GALNT3: variants seen among roughly 807,000 people sequenced by gnomAD.
GALNT3 encodes the protein polypeptide N-acetylgalactosaminyltransferase 3, also known as GalNAc transferase 3.
A neutral mutation model predicts 69.8 loss-of-function variants in GALNT3; 51 were observed. The observed-to-expected ratio is 0.73, with a 90% CI of 0.58 to 0.92. GALNT3 has a LOEUF of 0.92. Among genes scored for constraint, GALNT3 ranks in the 40% least tolerant of loss-of-function variants. The pLI is 0.00. For missense variants in GALNT3, 711 were observed against 760.0 expected (o/e 0.94, Z 0.76); for synonymous variants, 265 against 248.5 (o/e 1.07, Z -0.63).
At chr2:165,777,419 C>A (rs1682983279) in intron 1 of GALNT3, among the ~76,000 whole-genome samples, 1 of 152,092 alleles carries the variant, frequency 6.6e-6, no homozygotes. Flanking sequence ...TAATTGAATT[C>A]AAAACAAAAC....
intron 7 of GALNT3, among the ~76,000 whole-genome samples, chr2:165,756,483 T>A (rs1456358962): frequency 1.3e-5 from 2 of 152,170 alleles, no homozygotes; most frequent in Non-Finnish European, 2.9e-5. Context: ...GCGTATTTCA[T>A]CTCTTAAAAC....
At chr2:165,788,457 A>T (rs1212331639) in intron 1 of GALNT3, among the ~76,000 whole-genome samples, 1 of 147,716 alleles carries the variant, frequency 6.8e-6, no homozygotes, top group Non-Finnish European at 1.5e-5. Flanking sequence ...TTTGCAAATA[A>T]TCCAAAAGGG....
chr2:165,792,088 T>C (rs1468841193), intron 1 of GALNT3, among the ~76,000 whole-genome samples: 1 of 152,208 alleles, frequency 6.6e-6, no homozygotes, highest in Non-Finnish European at 1.5e-5. Flanking sequence ...GAAGTTAGAA[T>C]ACCTCTCTTG....
intron 1 of GALNT3, among the ~76,000 whole-genome samples, chr2:165,775,809 C>T (rs1461187175): frequency 6.6e-6 from 1 of 152,164 alleles, no homozygotes; most frequent in Non-Finnish European, 1.5e-5. Flanking sequence ...TTGTCTAGAT[C>T]ACAATATTTT....
At chr2:165,766,236 A>T (rs115383948) in intron 2 of GALNT3, among the ~76,000 whole-genome samples, 1,702 of 152,334 alleles carry the variant, frequency 0.011, 30 homozygotes, top group African/African-American at 0.039. Context: ...TAAAGATCTA[A>T]ATAAAGACCT....
Position 165,754,995 on chromosome 2 carries a change from C to A in GALNT3, c.1461G>T (p.Trp487Cys). Residue 487 changes from tryptophan to cysteine, a missense_variant, in exon 8 of 11, where the codon TGG (tryptophan) becomes TGT (cysteine). Trp to Cys is a radical substitution (Grantham distance 215). Coordinates refer to ENST00000392701, the MANE Select transcript of GALNT3 (RefSeq NM_004482.4). ...CCTCTGGATAAATGTTGTTCAGATA[C>A]CATGTAAAATTTTTACACTGAAGGC... Reference protein sequence around the residue: ...KHRLQCKNFTWYLNNIYPEVY... With the variant: ...KHRLQCKNFTCYLNNIYPEVY... 1 of 1,611,908 alleles carries A rather than the reference C, an allele frequency of 6.2e-7. No homozygotes were observed.
intron 2 of GALNT3, among the ~76,000 whole-genome samples, chr2:165,765,502 T>G (rs894010934): frequency 1.3e-5 from 2 of 152,116 alleles, no homozygotes; most frequent in African/African-American, 4.8e-5. Flanking sequence ...TATTAATTTT[T>G]TTTTTTTTAT....
chr2:165,757,380 C>T (rs1246093626), intron 6 of GALNT3, 133 bp from the exon 7 acceptor site: 1 of 833,314 alleles, frequency 1.2e-6, no homozygotes, highest in Non-Finnish European at 1.9e-6. Context: ...TAGTCTCTGT[C>T]CCCTGCCATT....
At chr2:165,752,546 A>G (rs746686642) in intron 9 of GALNT3, among the ~76,000 whole-genome samples, 8 of 152,196 alleles carry the variant, frequency 5.3e-5, no homozygotes, top group Non-Finnish European at 1.2e-4. Flanking sequence ...AATTTCTAAA[A>G]GATAGCTATA....
At chr2:165,762,162 T>TA in intron 3 of GALNT3, 108 bp from the exon 4 acceptor site, 1 of 859,944 alleles carries the variant, frequency 1.2e-6, no homozygotes. Context: ...TTCATAATCT[T>TA]AACAGTTGCA....
intron 1 of GALNT3, among the ~76,000 whole-genome samples, chr2:165,772,473 T>A (rs1688768927): frequency 6.7e-6 from 1 of 150,294 alleles, no homozygotes; most frequent in Non-Finnish European, 1.5e-5. Flanking sequence ...TAGTCCCAGC[T>A]ACTCAGGTGG....
In GALNT3 at chr2:165,778,153, A is replaced by G. The variant is rs116293132; in HGVS notation, c.-108-7345T>C. The stretch of plus-strand genomic sequence containing the variant: ...TACATTATCTGTCAAGGGAGTCACA[A>G]ACTCAGGGGCTCACATGCTCTTTCC... On this transcript the variant is annotated intron_variant, in intron 1 of 10. Coordinates refer to ENST00000392701, the MANE Select transcript of GALNT3 (RefSeq NM_004482.4). Among the ~76,000 whole-genome samples, 912 of 152,330 alleles carry G rather than the reference A, an allele frequency of 6.0e-3. 7 individuals carry two copies. The highest frequency in any genetic ancestry group is 0.02 in the African/African-American group (840 of 41,558).
chr2:165,752,455 C>G (rs150691003), intron 9 of GALNT3, among the ~76,000 whole-genome samples: 5 of 152,224 alleles, frequency 3.3e-5, no homozygotes, highest in Non-Finnish European at 7.4e-5. Flanking sequence ...CTTTTTACTA[C>G]GGTAACAGTC....
At position 165,776,106 on chromosome 2, in the gene GALNT3, G is replaced by T. The variant is rs537388300; in HGVS notation, c.-108-5298C>A. Among the ~76,000 whole-genome samples, 4 of 152,180 alleles carry T rather than the reference G, an allele frequency of 2.6e-5. No homozygotes were observed. In the South Asian group the frequency reaches 8.3e-4, roughly 32 times the overall value. On this transcript the variant is annotated intron_variant, in intron 1 of 10. Transcript: ENST00000392701. ...AATATTTTATTCCAATCATAAAAATGGGAAAATTGATACCTGAACAATAAA... is the reference window on the plus strand; with the variant it reads ...AATATTTTATTCCAATCATAAAAATTGGAAAATTGATACCTGAACAATAAA...
rs116230268 is a variant in GALNT3, at chr2:165,773,451, A to G, written c.-108-2643T>C. The stretch of plus-strand genomic sequence containing the variant: ...ATTATCCAGTCTCTGGTAAGTCTTT[A>G]TTAGCAGCATGAGAACAAACTAATA... On this transcript the variant is annotated intron_variant, in intron 1 of 10. Coordinates refer to ENST00000392701, the MANE Select transcript of GALNT3 (RefSeq NM_004482.4). Among the ~76,000 whole-genome samples, 910 of 152,322 alleles carry G rather than the reference A, an allele frequency of 6.0e-3. 6 individuals carry two copies. The highest frequency in any genetic ancestry group is 0.021 in the African/African-American group (879 of 41,560).
At chr2:165,779,586 C>T (rs188366195) in intron 1 of GALNT3, among the ~76,000 whole-genome samples, 2 of 152,118 alleles carry the variant, frequency 1.3e-5, no homozygotes, top group Non-Finnish European at 2.9e-5. Context: ...CTGTCACAGT[C>T]CCACTAAATA....
intron 9 of GALNT3, 148 bp downstream of exon 9, chr2:165,754,479 C>A: frequency 4.2e-6 from 2 of 481,774 alleles, no homozygotes; most frequent in Non-Finnish European, 7.9e-6. Context: ...AAATACTCAT[C>A]AATATCAATT....
intron 2 of GALNT3, 118 bp downstream of exon 2, chr2:165,770,068 G>A: frequency 9.0e-7 from 1 of 1,106,856 alleles, no homozygotes; most frequent in Non-Finnish European, 1.3e-6. Context: ...TAAATAAACA[G>A]TATTTGCTGA....
At chr2:165,750,149 G>T (rs559054000) in intron 9 of GALNT3, among the ~76,000 whole-genome samples, 2 of 152,068 alleles carry the variant, frequency 1.3e-5, no homozygotes, top group African/African-American at 4.8e-5. Context: ...AGTTATCAAG[G>T]AGAGTGGAGG....
Sources: allele counts gnomAD v4.1 joint callset (sites outside exome capture counted in the v4.1 genomes callset), GRCh38; gene constraint gnomAD v4.1.1; transcripts MANE v1.5; gene names NCBI Gene and HGNC (gene_info 2026-07-23, HGNC 2026-07-21).